Variants in PCDHGB6 observed in about 807,000 individuals in gnomAD.
The protein encoded by PCDHGB6 is protocadherin gamma-B6.
PCDHGB6 carries 51 observed loss-of-function variants against 59.1 expected under a neutral mutation model. That is an observed-to-expected ratio of 0.86 (90% CI 0.69 to 1.09). The LOEUF is 1.09. Ranked by LOEUF, PCDHGB6 falls within the 50% of genes least tolerant of loss-of-function variation. PCDHGB6 has a pLI of 0.00. For synonymous variants in PCDHGB6, 466 were observed against 495.1 expected (o/e 0.94, Z 0.78); for missense variants, 1,148 against 1,205.1 (o/e 0.95, Z 0.70).
intron 1 of PCDHGB6, among the ~76,000 whole-genome samples, chr5:141,492,631 A>G (rs1203365582): frequency 6.6e-6 from 1 of 152,184 alleles, no homozygotes; most frequent in Non-Finnish European, 1.5e-5. Flanking sequence ...GCAGGACTCT[A>G]CGATCCTTGG....
In PCDHGB6 at chr5:141,432,139, T is replaced by A. The variant is rs950514553; in HGVS notation, c.2418+21519T>A. ...TCCCTCAGGCCTCCTATTCCGCTTA[T>A]ATCCCAGAGAACAATCCCAGAGGAG... is the stretch of plus-strand genomic sequence containing the variant. On this transcript the variant is annotated intron_variant, in intron 1 of 3. Transcript: ENST00000520790. The surrounding 1 kb of genome is among the most constrained non-coding windows in gnomAD (Gnocchi z 6.0). The A allele has an allele frequency of 6.8e-6, 11 of 1,613,976 alleles. No individual in the cohort carries two copies. Among genetic ancestry groups the A allele is most frequent in the Non-Finnish European group, 9.3e-6 (11 of 1,180,032 alleles).
intron 1 of PCDHGB6, among the ~76,000 whole-genome samples, chr5:141,436,839 A>G (rs1247924864): frequency 6.6e-6 from 1 of 152,260 alleles, no homozygotes; most frequent in African/African-American, 2.4e-5. Flanking sequence ...GTGCCTAGGC[A>G]CATTCTTGAT....
Position 141,476,376 on chromosome 5 carries a change from T to C in PCDHGB6, c.2419-18431T>C. ...GTGAACCGGGAGACCGGAGAGATGT[T>C]TGTGAACGACCGTCTGGATCGAGAG... On this transcript the variant is annotated intron_variant, in intron 1 of 3. Coordinates refer to ENST00000520790, the MANE Select transcript of PCDHGB6 (RefSeq NM_018926.3). The surrounding 1 kb of genome is among the most constrained non-coding windows in gnomAD (Gnocchi z 7.6). The C allele has an allele frequency of 6.2e-7, 1 of 1,614,060 alleles. No homozygotes were observed. Among genetic ancestry groups the C allele is most frequent in the Non-Finnish European group, 8.5e-7 (1 of 1,180,004 alleles).
At chr5:141,433,215 T>A (rs755571112) in intron 1 of PCDHGB6, 1 of 1,568,720 alleles carries the variant, frequency 6.4e-7, no homozygotes, top group South Asian at 1.2e-5. Flanking sequence ...TTTCTTTTTT[T>A]TTTTTAATTG....
At chr5:141,430,603 C>A in intron 1 of PCDHGB6, 1 of 632,906 alleles carries the variant, frequency 1.6e-6, no homozygotes, top group Non-Finnish European at 2.5e-6. Context: ...GCGCCTGAAG[C>A]ACAAAGCAGA....
At chr5:141,457,715 CA>C (rs2098928510) in intron 1 of PCDHGB6, among the ~76,000 whole-genome samples, 2 of 152,212 alleles carry the variant, frequency 1.3e-5, no homozygotes, top group Non-Finnish European at 2.9e-5. Flanking sequence ...CACTGTTCCA[CA>C]AGGAATTTCA....
At chr5:141,419,761 C>A in intron 1 of PCDHGB6, 1 of 1,614,008 alleles carries the variant, frequency 6.2e-7, no homozygotes, top group South Asian at 1.1e-5. Context: ...CTTTGGGTGA[C>A]AAGGACTCGG....
rs1282403944 is a variant in PCDHGB6 at position 141,485,452 on chromosome 5, G to A, written c.2419-9355G>A. ...TCATCAAGAACCCAATCGACCGAGA[G>A]GCACTGTGTGGGCTCAGTGCCAGCT... On this transcript the variant is annotated intron_variant, in intron 1 of 3. Transcript: ENST00000520790. The surrounding 1 kb of genome is among the most constrained non-coding windows in gnomAD (Gnocchi z 5.7). 2.5e-6 allele frequency: 4 copies of A among 1,614,054 alleles called. No individual in the cohort carries two copies. Among genetic ancestry groups the A allele is most frequent in the East Asian group, 4.5e-5 (2 of 44,884 alleles).
chr5:141,441,310 C>T (rs2098239133), intron 1 of PCDHGB6: 1 of 152,154 alleles, frequency 6.6e-6, no homozygotes, highest in Non-Finnish European at 1.5e-5. Context: ...AGAAAATGCA[C>T]CTTGAGAAAA....
chr5:141,423,751 G>GT, intron 1 of PCDHGB6: 12 of 349,026 alleles, frequency 3.4e-5, no homozygotes, highest in Non-Finnish European at 4.3e-5. Context: ...AAAACTGTTT[G>GT]GGGGGGGGGT....
At chr5:141,437,895 A>G (rs911855268) in intron 1 of PCDHGB6, among the ~76,000 whole-genome samples, 23 of 151,954 alleles carry the variant, frequency 1.5e-4, no homozygotes, top group African/African-American at 4.8e-4. Flanking sequence ...ACGCCACCAC[A>G]CCCAGCTAAT....
At chr5:141,498,011 G>A (rs995865984) in intron 2 of PCDHGB6, among the ~76,000 whole-genome samples, 2 of 152,204 alleles carry the variant, frequency 1.3e-5, no homozygotes, top group Non-Finnish European at 2.9e-5. Flanking sequence ...ACAGTGCACT[G>A]AAGGAGACAA....
intron 1 of PCDHGB6, among the ~76,000 whole-genome samples, chr5:141,470,737 G>A (rs117064561): frequency 6.6e-6 from 1 of 152,016 alleles, no homozygotes; most frequent in African/African-American, 2.4e-5. Flanking sequence ...TTGCTCTGTC[G>A]CCCTGGCTGG....
intron 1 of PCDHGB6, among the ~76,000 whole-genome samples, chr5:141,457,415 C>T (rs185690067): frequency 3.9e-4 from 60 of 152,300 alleles, no homozygotes; most frequent in African/African-American, 1.3e-3. Flanking sequence ...CATTACCCAT[C>T]CCTTTTTCCC....
chr5:141,504,848 C>G (rs181277525), intron 2 of PCDHGB6, among the ~76,000 whole-genome samples: 1 of 152,236 alleles, frequency 6.6e-6, no homozygotes, highest in Non-Finnish European at 1.5e-5. Context: ...CTGGAACATT[C>G]TCTTCCATTT....
In PCDHGB6 at chr5:141,476,718, C is replaced by T; in HGVS notation, c.2419-18089C>T. On this transcript the variant is annotated intron_variant, in intron 1 of 3. Transcript: ENST00000520790. The surrounding 1 kb of genome is among the most constrained non-coding windows in gnomAD (Gnocchi z 7.6). ...TACGCGGAGCTGGTGTTGGAGCGCG[C>T]CCTGGACCGAGAACGGGAGCCTAGT... The T allele has an allele frequency of 1.2e-6, 2 of 1,614,144 alleles. No individual in the cohort carries two copies. The highest frequency in any genetic ancestry group is 2.2e-5 in the East Asian group (1 of 44,874).
At position 141,432,009 on chromosome 5, in the gene PCDHGB6, G is replaced by T. The variant is rs1227754190; in HGVS notation, c.2418+21389G>T. ...GTCTTGGATAGGGAACAGGTTCCTAGCTACAACATCACAGTGACCGCCACT... is the reference window on the plus strand; with the variant it reads ...GTCTTGGATAGGGAACAGGTTCCTATCTACAACATCACAGTGACCGCCACT... On this transcript the variant is annotated intron_variant, in intron 1 of 3. Transcript: ENST00000520790. The surrounding 1 kb of genome is among the most constrained non-coding windows in gnomAD (Gnocchi z 6.0). 1 of 1,614,070 alleles carries T rather than the reference G, an allele frequency of 6.2e-7. No homozygotes were observed. The highest frequency in any genetic ancestry group is 8.5e-7 in the Non-Finnish European group (1 of 1,180,032).
intron 1 of PCDHGB6, among the ~76,000 whole-genome samples, chr5:141,458,065 GA>G (rs541812590): frequency 3.5e-3 from 534 of 152,242 alleles, no homozygotes; most frequent in Middle Eastern, 6.8e-3. Context: ...GCACTGATGC[GA>G]ACAACTATAT....
rs765534200 is a variant in PCDHGB6 at position 141,410,067 on chromosome 5, G to A, written c.1865G>A (p.Arg622His). 8.1e-6 allele frequency: 13 copies of A among 1,612,846 alleles called. No individual in the cohort carries two copies. In the South Asian group the frequency reaches 1.3e-4, roughly 16 times the overall value. ...SEPGLFSLGL[R>H]TGEVRTARAL... ...CCCGGACTCTTCAGCCTGGGGCTGC[G>A]CACTGGGGAGGTGCGCACGGCTCGA... is the stretch of plus-strand genomic sequence containing the variant. The change falls in exon 1 of 4, where the codon CGC becomes CAC. Residue 622 changes from arginine to histidine, a missense_variant. Transcript: ENST00000520790.
Sources: allele counts gnomAD v4.1 joint callset (sites outside exome capture counted in the v4.1 genomes callset), GRCh38; gene constraint gnomAD v4.1.1; non-coding constraint Gnocchi (gnomAD v3.1); transcripts MANE v1.5; gene names NCBI Gene and HGNC (gene_info 2026-07-23, HGNC 2026-07-21).